FBXO8: variants seen among roughly 807,000 people sequenced by gnomAD.
The protein encoded by FBXO8 is F-box only protein 8.
A neutral mutation model predicts 33.4 loss-of-function variants in FBXO8; 15 were observed. That is an observed-to-expected ratio of 0.45 (90% CI 0.30 to 0.69). The LOEUF (loss-of-function observed/expected upper bound fraction) is 0.69. Ranked by LOEUF, FBXO8 falls within the 30% of genes least tolerant of loss-of-function variation. The pLI is 0.08. For missense variants in FBXO8, 274 were observed against 380.3 expected, an observed-to-expected ratio of 0.72 and a Z score of 2.32; for synonymous variants, 132 against 131.5, an observed-to-expected ratio of 1.00 and a Z score of -0.02.
chr4:174,238,481 T>C (rs1735939995), intron 5 of FBXO8, among the ~76,000 whole-genome samples: 2 of 151,300 alleles, frequency 1.3e-5, no homozygotes, highest in African/African-American at 2.4e-5. Flanking sequence ...GCTATATGAA[T>C]TGAAACAATA....
chr4:174,262,367 G>A lies in FBXO8; in HGVS notation c.329+397C>T, dbSNP rs1280676465. On this transcript the variant is annotated intron_variant, in intron 2 of 5. Transcript: ENST00000393674. The surrounding 1 kb of genome is among the most constrained non-coding windows in gnomAD (Gnocchi z 4.6). ...TTGAGGACTATTCATTGATTTCGAA[G>A]TCTGCCTATTATTCAGATGGCAGGT... 5.3e-5 allele frequency among the ~76,000 whole-genome samples: 8 copies of A among 152,196 alleles called. No homozygotes were observed. Among genetic ancestry groups the A allele is most frequent in the South Asian group, 2.1e-4 (1 of 4,836 alleles).
chr4:174,258,274 G>T (rs1027289392), intron 3 of FBXO8, among the ~76,000 whole-genome samples: 4 of 151,994 alleles, frequency 2.6e-5, no homozygotes, highest in Non-Finnish European at 5.9e-5. Flanking sequence ...CAAAAACAAG[G>T]TGAAAACAAG....
At chr4:174,268,722 C>T (rs981862662) in intron 1 of FBXO8, among the ~76,000 whole-genome samples, 5 of 152,172 alleles carry the variant, frequency 3.3e-5, no homozygotes, top group African/African-American at 1.2e-4. Context: ...AGGCGTGAGC[C>T]ACCGCGCCCG....
rs1199683722 is a variant in FBXO8, at chr4:174,251,919, A to C, written c.456+7780T>G. ...CTGTCATCTAGCTTCTTTTGCCCTG[A>C]TTAAATTCCCTTCAGCAAATTTGGA... On this transcript the variant is annotated intron_variant, in intron 3 of 5. Coordinates refer to ENST00000393674, the MANE Select transcript of FBXO8 (RefSeq NM_012180.3). This position sits in a 1 kb window ranked among gnomAD's most constrained non-coding sequence, Gnocchi z 4.2. Among the ~76,000 whole-genome samples the C allele has an allele frequency of 1.3e-5, 2 of 152,136 alleles. No homozygotes were observed. The highest frequency in any genetic ancestry group is 4.8e-5 in the African/African-American group (2 of 41,434).
chr4:174,249,335 A>C (rs949398440), intron 3 of FBXO8, among the ~76,000 whole-genome samples: 61 of 152,148 alleles, frequency 4.0e-4, no homozygotes, highest in African/African-American at 1.4e-3. Context: ...CATTCTAATC[A>C]AAATATGGAG....
At chr4:174,260,485 T>C (rs1292218852) in intron 2 of FBXO8, among the ~76,000 whole-genome samples, 1 of 152,078 alleles carries the variant, frequency 6.6e-6, no homozygotes, top group Admixed American at 6.6e-5. Context: ...ATGCCACAAC[T>C]TGAATACATT....
intron 1 of FBXO8, among the ~76,000 whole-genome samples, chr4:174,282,860 A>C (rs1579044650): frequency 6.6e-6 from 1 of 152,238 alleles, no homozygotes; most frequent in East Asian, 1.9e-4. Flanking sequence ...TTGCCAAATA[A>C]ATATTGAGAA....
In FBXO8 at chr4:174,256,037, G is replaced by A. The variant is rs1736408070; in HGVS notation, c.456+3662C>T. The stretch of plus-strand genomic sequence containing the variant: ...GCCAGATTATCGTACCACAAACTGT[G>A]CAGATGTTCTCCCCCACCCCATGAG... On this transcript the variant is annotated intron_variant, in intron 3 of 5. Coordinates refer to ENST00000393674, the MANE Select transcript of FBXO8 (RefSeq NM_012180.3). This position sits in a 1 kb window ranked among gnomAD's most constrained non-coding sequence, Gnocchi z 4.6. 3 of 455,428 alleles carry A rather than the reference G, an allele frequency of 6.6e-6. No homozygotes were observed. The highest frequency in any genetic ancestry group is 6.0e-5 in the African/African-American group (3 of 50,032). The allele number at this position is 455,428 out of a possible 1,614,324, so 28.2% of individuals were successfully genotyped here.
At chr4:174,260,407 G>A (rs1736528330) in intron 2 of FBXO8, among the ~76,000 whole-genome samples, 1 of 151,982 alleles carries the variant, frequency 6.6e-6, no homozygotes, top group Non-Finnish European at 1.5e-5. Context: ...TGCTGGGCAG[G>A]GAAACAGCTT....
chr4:174,282,096 G>A (rs1737109495), intron 1 of FBXO8, among the ~76,000 whole-genome samples: 1 of 152,178 alleles, frequency 6.6e-6, no homozygotes, highest in Admixed American at 6.5e-5. Context: ...AACACACTGT[G>A]ATTAAAGATT....
intron 3 of FBXO8, among the ~76,000 whole-genome samples, chr4:174,249,530 T>G (rs550340087): frequency 1.6e-4 from 25 of 151,848 alleles, no homozygotes; most frequent in Non-Finnish European, 3.2e-4. Flanking sequence ...TCATATTACC[T>G]AGATCTTAAT....
At position 174,241,781 on chromosome 4, in the gene FBXO8, T is replaced by C. The variant is rs1736046937; in HGVS notation, c.457-563A>G. On this transcript the variant is annotated intron_variant, in intron 3 of 5. Transcript: ENST00000393674. This position sits in a 1 kb window ranked among gnomAD's most constrained non-coding sequence, Gnocchi z 4.2. ...GTTGTACTACTTTGGCTTTAAACAT[T>C]GCTATGTTCTACAAAAACCTAGCTA... Among the ~76,000 whole-genome samples, 1 of 151,568 alleles carries C rather than the reference T, an allele frequency of 6.6e-6. No homozygotes were observed. The highest frequency in any genetic ancestry group is 1.5e-5 in the Non-Finnish European group (1 of 67,588).
In FBXO8 at chr4:174,241,403, T is replaced by C. The variant is rs1033632389; in HGVS notation, c.457-185A>G. 6.6e-6 allele frequency among the ~76,000 whole-genome samples: 1 copy of C among 151,668 alleles called. No homozygotes were observed. The highest frequency in any genetic ancestry group is 2.4e-5 in the African/African-American group (1 of 41,404). On this transcript the variant is annotated intron_variant, in intron 3 of 5. Transcript: ENST00000393674. This position sits in a 1 kb window ranked among gnomAD's most constrained non-coding sequence, Gnocchi z 4.2. ...TATTGTTTGTGGTTGATAGTTTACA[T>C]GCAATGAAAAGCAGGAAATTCAAAG...
Position 174,281,809 on chromosome 4 carries a change from C to T in FBXO8, c.-9+1601G>A, listed in dbSNP as rs1236991051. Among the ~76,000 whole-genome samples, 6 of 151,460 alleles carry T rather than the reference C, an allele frequency of 4.0e-5. No homozygotes were observed. Among genetic ancestry groups the T allele is most frequent in the Non-Finnish European group, 7.4e-5 (5 of 67,884 alleles). On this transcript the variant is annotated intron_variant, in intron 1 of 5. Coordinates refer to ENST00000393674, the MANE Select transcript of FBXO8 (RefSeq NM_012180.3). This position sits in a 1 kb window ranked among gnomAD's most constrained non-coding sequence, Gnocchi z 4.6. ...GAAAAACAAAACAATGAGAGCAAAACGAAAAAGAAATAGTGAACATAAATT... is the reference window on the plus strand; with the variant it reads ...GAAAAACAAAACAATGAGAGCAAAATGAAAAAGAAATAGTGAACATAAATT...
chr4:174,263,308 G>A lies in FBXO8; in HGVS notation c.-8-208C>T, dbSNP rs1298470296. ...ACAAAGTTTCAGAATTACTTGGTTCGATCATCACCTTTATCCCAGTTTGCT... is the reference window on the plus strand; with the variant it reads ...ACAAAGTTTCAGAATTACTTGGTTCAATCATCACCTTTATCCCAGTTTGCT... On this transcript the variant is annotated intron_variant, in intron 1 of 5. Transcript: ENST00000393674. This position sits in a 1 kb window ranked among gnomAD's most constrained non-coding sequence, Gnocchi z 4.2. 1.3e-5 allele frequency among the ~76,000 whole-genome samples: 2 copies of A among 152,050 alleles called. No individual in the cohort carries two copies. Among genetic ancestry groups the A allele is most frequent in the Non-Finnish European group, 2.9e-5 (2 of 68,002 alleles).
intron 1 of FBXO8, among the ~76,000 whole-genome samples, chr4:174,266,052 A>G (rs1437751438): frequency 2.0e-5 from 3 of 152,116 alleles, no homozygotes; most frequent in African/African-American, 7.2e-5. Context: ...CTATTTTCCT[A>G]CAGAATCTTT....
chr4:174,238,947 C>T (rs1259868207), intron 5 of FBXO8, 47 bp downstream of exon 5: 3 of 1,179,992 alleles, frequency 2.5e-6, no homozygotes, highest in African/African-American at 3.2e-5. Flanking sequence ...CTGTTTTTAC[C>T]TAAAGATGGG....
intron 2 of FBXO8, among the ~76,000 whole-genome samples, chr4:174,260,811 G>T (rs1736541628): frequency 6.6e-6 from 1 of 152,070 alleles, no homozygotes; most frequent in South Asian, 2.1e-4. Context: ...TGATACAATT[G>T]TGATGAGTCT....
chr4:174,238,751 A>G (rs188546098), intron 5 of FBXO8, among the ~76,000 whole-genome samples: 33 of 129,212 alleles, frequency 2.6e-4, no homozygotes, highest in Admixed American at 1.9e-3. Flanking sequence ...CTATATATAC[A>G]TAGCCATGTA....
Sources: gnomAD v4.1 joint callset for allele counts (sites outside exome capture counted in the v4.1 genomes callset) on GRCh38, gnomAD v4.1.1 for gene constraint, Gnocchi (gnomAD v3.1) non-coding constraint, MANE v1.5 for transcripts, NCBI Gene and HGNC (gene_info 2026-07-23, HGNC 2026-07-21) for gene names.